UTRN: variants seen among roughly 807,000 people sequenced by gnomAD.
UTRN encodes utrophin.
Under a neutral mutation model 463.9 loss-of-function variants are expected in UTRN, and 283 were observed. That is an observed-to-expected ratio of 0.61 (90% CI 0.55 to 0.67). UTRN has a LOEUF of 0.67. Among genes scored for constraint, UTRN ranks in the 30% least tolerant of loss-of-function variants. The pLI is 0.00. For synonymous variants in UTRN, 1,442 were observed against 1,431.5 expected, an observed-to-expected ratio of 1.01 and a Z score of -0.17; for missense variants, 3,922 against 4,084.3, an observed-to-expected ratio of 0.96 and a Z score of 1.08.
At chr6:144,630,597 C>T (rs551255502) in intron 51 of UTRN, among the ~76,000 whole-genome samples, 5 of 152,246 alleles carry the variant, frequency 3.3e-5, no homozygotes, top group Admixed American at 1.3e-4. Flanking sequence ...TCCCACAATA[C>T]GTGGGGATTA....
chr6:144,594,499 G>A (rs562634610), intron 51 of UTRN, among the ~76,000 whole-genome samples: 1 of 152,236 alleles, frequency 6.6e-6, no homozygotes, highest in East Asian at 1.9e-4. Context: ...GGACAAAACA[G>A]TATTTGTAAA....
chr6:144,523,010 T>G lies in UTRN; in HGVS notation c.5734-6T>G. 1 of 1,577,082 alleles carries G rather than the reference T, an allele frequency of 6.3e-7. No individual in the cohort carries two copies. Among genetic ancestry groups the G allele is most frequent in the Admixed American group, 1.9e-5 (1 of 53,240 alleles). On this transcript the variant is annotated splice_region_variant and splice_polypyrimidine_tract_variant and intron_variant, in intron 40 of 74. Transcript: ENST00000367545. ...ATTTTGTTAATCTATGACAATATAT[T>G]TTTAGAATATCAAAGACCAACTGGA...
chr6:144,720,100 C>G (rs1786953168), intron 53 of UTRN, among the ~76,000 whole-genome samples: 1 of 152,170 alleles, frequency 6.6e-6, no homozygotes, highest in African/African-American at 2.4e-5. Flanking sequence ...CTCTTAGACC[C>G]TGTTTTCTTA....
At chr6:144,310,584 C>CCCAG (rs1806163919) in intron 2 of UTRN, among the ~76,000 whole-genome samples, 1 of 148,526 alleles carries the variant, frequency 6.7e-6, no homozygotes, top group African/African-American at 2.5e-5. Context: ...TGCCTGTGGT[C>CCCAG]CCAGCTACCT....
chr6:144,792,244 C>T (rs971241321), intron 62 of UTRN, among the ~76,000 whole-genome samples: 72 of 152,136 alleles, frequency 4.7e-4, no homozygotes, highest in Non-Finnish European at 7.5e-4. Flanking sequence ...GCATTATATT[C>T]CTTATAAAAA....
Position 144,835,930 on chromosome 6 carries a change from A to G in UTRN, c.9816A>G (p.Glu3272=), listed in dbSNP as rs748209485. The G allele has an allele frequency of 1.9e-6, 3 of 1,614,036 alleles. No homozygotes were observed. In the Admixed American group the frequency reaches 5.0e-5, roughly 27 times the overall value. Residue 3272 remains glutamate (E), a synonymous_variant, in exon 70 of 75, where the codon GAA becomes GAG. Coordinates refer to ENST00000367545, the MANE Select transcript of UTRN (RefSeq NM_007124.3). ...AGAGGATCATTGCTGACCTGGAGGA[A>G]GAACAAAGGTGTGCTAGGCCTGGGA... ...ELERIIADLE[E]EQRNLQVEYE...
intron 44 of UTRN, among the ~76,000 whole-genome samples, chr6:144,538,020 G>GT (rs1797679805): frequency 6.6e-6 from 1 of 152,104 alleles, no homozygotes; most frequent in East Asian, 1.9e-4. Flanking sequence ...ATGAAATATC[G>GT]TTTTTTGTTT....
chr6:144,737,907 T>C (rs1193121616), intron 54 of UTRN, among the ~76,000 whole-genome samples: 2 of 152,186 alleles, frequency 1.3e-5, no homozygotes, highest in Admixed American at 6.5e-5. Flanking sequence ...TCCTTTGCAT[T>C]GTTCTTTGTA....
chr6:144,805,300 C>T (rs1355906325), intron 65 of UTRN, among the ~76,000 whole-genome samples: 1 of 151,934 alleles, frequency 6.6e-6, no homozygotes, highest in Non-Finnish European at 1.5e-5. Context: ...AACAAGGAAA[C>T]GAATAAATGG....
chr6:144,724,335 T>A (rs1258815540), intron 53 of UTRN, among the ~76,000 whole-genome samples: 3 of 150,702 alleles, frequency 2.0e-5, no homozygotes, highest in African/African-American at 7.3e-5. Context: ...TTCAAGTGAT[T>A]CTCCTGCCTC....
At chr6:144,453,194 C>A (rs1281592522) in intron 18 of UTRN, among the ~76,000 whole-genome samples, 1 of 152,054 alleles carries the variant, frequency 6.6e-6, no homozygotes, top group East Asian at 1.9e-4. Context: ...GCAATCTCGG[C>A]TCCCTGCAAC....
At chr6:144,557,042 A>C in intron 49 of UTRN, 115 bp from the exon 50 acceptor site, 4 of 1,317,802 alleles carry the variant, frequency 3.0e-6, no homozygotes, top group East Asian at 2.5e-5. Flanking sequence ...GTCTGTTTTC[A>C]TCCTGTGATA....
chr6:144,772,351 C>T (rs944706934), intron 59 of UTRN, among the ~76,000 whole-genome samples: 1 of 152,046 alleles, frequency 6.6e-6, no homozygotes, highest in Non-Finnish European at 1.5e-5. Context: ...TAAATAGGAG[C>T]TAATCACCAG....
chr6:144,838,841 A>G (rs1781318315), intron 71 of UTRN, among the ~76,000 whole-genome samples: 1 of 152,338 alleles, frequency 6.6e-6, no homozygotes, highest in South Asian at 2.1e-4. Context: ...AATTTACTGT[A>G]TTAGAAACCC....
chr6:144,453,384 A>G (rs1788519133), intron 18 of UTRN, among the ~76,000 whole-genome samples: 1 of 152,080 alleles, frequency 6.6e-6, no homozygotes, highest in Non-Finnish European at 1.5e-5. Context: ...CAGCCTTCCA[A>G]AGTGTTGGGA....
chr6:144,754,531 C>CTTTTTT (rs34213856), intron 56 of UTRN, among the ~76,000 whole-genome samples, 189 bp from the exon 57 acceptor site: 1 of 112,124 alleles, frequency 8.9e-6, no homozygotes, highest in Non-Finnish European at 1.9e-5. Flanking sequence ...CAGAAGGAGT[C>CTTTTTT]TTTTTTTTTT....
chr6:144,848,739 C>A (rs1417640406), intron 74 of UTRN, among the ~76,000 whole-genome samples: 1 of 152,086 alleles, frequency 6.6e-6, no homozygotes, highest in Non-Finnish European at 1.5e-5. Context: ...AACCAAGAAG[C>A]CAGAGTGCTG....
chr6:144,620,591 C>CT (rs758495838), intron 51 of UTRN, among the ~76,000 whole-genome samples: 11 of 152,062 alleles, frequency 7.2e-5, no homozygotes, highest in Admixed American at 6.6e-4. Flanking sequence ...TTTCTTACTA[C>CT]TTTTTTTCCA....
chr6:144,774,491 A>AAGG, intron 60 of UTRN, 127 bp downstream of exon 60: 1 of 785,584 alleles, frequency 1.3e-6, no homozygotes, highest in South Asian at 2.1e-5. Context: ...TACCTCACTC[A>AAGG]AGGAGTTGGT....
Sources: allele counts gnomAD v4.1 joint callset (sites outside exome capture counted in the v4.1 genomes callset), GRCh38; gene constraint gnomAD v4.1.1; transcripts MANE v1.5; gene names NCBI Gene and HGNC (gene_info 2026-07-23, HGNC 2026-07-21).